The following SCUBE3 variants were observed in gnomAD, a reference collection of about 807,000 sequenced individuals.
SCUBE3 encodes signal peptide, CUB domain and EGF like domain containing 3.
SCUBE3 carries 33 observed loss-of-function variants against 116.8 expected under a neutral mutation model. That is an observed-to-expected ratio of 0.28 (90% CI 0.21 to 0.38). The LOEUF is 0.38. Ranked by LOEUF, SCUBE3 falls within the 10% of genes least tolerant of loss-of-function variation. The probability of loss-of-function intolerance (pLI) is 1.00; values close to 1 mark genes in which losing one functional copy is unlikely to be tolerated. For missense variants in SCUBE3, 1,007 were observed against 1,324.8 expected, an observed-to-expected ratio of 0.76 and a Z score of 3.72; for synonymous variants, 418 against 496.9, an observed-to-expected ratio of 0.84 and a Z score of 2.11.
chr6:35,217,183 T>C (rs1374605522), intron 1 of SCUBE3, among the ~76,000 whole-genome samples: 1 of 130,866 alleles, frequency 7.6e-6, no homozygotes, highest in African/African-American at 2.8e-5. Context: ...CTTAAAAGCA[T>C]TAATTTGCTT....
rs1239218863 is a variant in SCUBE3, at chr6:35,249,427, C to T, written c.*722C>T. 2.0e-5 allele frequency: 3 copies of T among 152,186 alleles called. No individual in the cohort carries two copies. The highest frequency in any genetic ancestry group is 1.3e-4 in the Admixed American group (2 of 15,280). The allele number at this position is 152,186 out of a possible 1,614,324, so 9.4% of individuals were successfully genotyped here. On this transcript the variant is annotated 3_prime_UTR_variant, in exon 22 of 22. Transcript: ENST00000274938. ...GCAGGCATTGTCATGGTGAATGCCC[C>T]GCTGTAGCTCCCTGAGAGAAAGACT...
intron 1 of SCUBE3, among the ~76,000 whole-genome samples, chr6:35,217,196 CT>C (rs1421322885): frequency 1.5e-5 from 1 of 68,742 alleles, no homozygotes; most frequent in Non-Finnish European, 3.1e-5. Context: ...ATTTGCTTTG[CT>C]TTTGGTAAGG....
Position 35,231,069 on chromosome 6 carries a change from C to A in SCUBE3, c.335-656C>A, listed in dbSNP as rs1783529666. 6.6e-6 allele frequency among the ~76,000 whole-genome samples: 1 copy of A among 152,120 alleles called. No homozygotes were observed. Among genetic ancestry groups the A allele is most frequent in the Non-Finnish European group, 1.5e-5 (1 of 68,008 alleles). On this transcript the variant is annotated intron_variant, in intron 3 of 21. Coordinates refer to ENST00000274938, the MANE Select transcript of SCUBE3 (RefSeq NM_152753.4). The surrounding 1 kb of genome is among the most constrained non-coding windows in gnomAD (Gnocchi z 4.2). ...CCTGGCAGCTCTCCCCAGATCCCTC[C>A]CCGCCAAGTTGTCAGACTTTGTTTT...
At chr6:35,216,233 G>A (rs1024960462) in intron 1 of SCUBE3, among the ~76,000 whole-genome samples, 2 of 152,202 alleles carry the variant, frequency 1.3e-5, no homozygotes, top group African/African-American at 2.4e-5. Flanking sequence ...ATTCAGGAAC[G>A]GGAGTCAGAA....
intron 13 of SCUBE3, 23 bp downstream of exon 13, chr6:35,242,343 C>T: frequency 2.0e-6 from 3 of 1,521,354 alleles, no homozygotes; most frequent in Non-Finnish European, 2.7e-6. Context: ...GACCCCATTC[C>T]AGTTGGCTGT....
chr6:35,245,497 A>T lies in SCUBE3; in HGVS notation c.2599+72A>T. The T allele has an allele frequency of 2.3e-6, 3 of 1,278,542 alleles. No homozygotes were observed. The highest frequency in any genetic ancestry group is 3.4e-6 in the Non-Finnish European group (3 of 878,382). 79.2% of individuals were successfully genotyped at this position (1,278,542 alleles called of 1,614,324 possible). A position where few individuals can be genotyped will look rare whatever the true frequency, so the allele number is the denominator to read the frequency against. ...GTTAAGGCGGAGAACAAAGAGAGAG[A>T]CTGATACAGGAAGAAATGGGGCAGT... On this transcript the variant is annotated intron_variant, in intron 19 of 21. Transcript: ENST00000274938. The surrounding 1 kb of genome is among the most constrained non-coding windows in gnomAD (Gnocchi z 4.2).
rs1783637951 is a variant in SCUBE3, at chr6:35,233,550, C to T, written c.712+249C>T. ...ACCCTGTTCCAGGAGCCTCACCACC[C>T]TCTTCATCCCAGGACAAAGTGTTGC... On this transcript the variant is annotated intron_variant, in intron 6 of 21. Transcript: ENST00000274938. The surrounding 1 kb of genome is among the most constrained non-coding windows in gnomAD (Gnocchi z 5.7). 6.6e-6 allele frequency among the ~76,000 whole-genome samples: 1 copy of T among 152,218 alleles called. No homozygotes were observed. Among genetic ancestry groups the T allele is most frequent in the Admixed American group, 6.5e-5 (1 of 15,286 alleles).
chr6:35,223,786 T>G (rs1190837559), intron 1 of SCUBE3: 1 of 152,128 alleles, frequency 6.6e-6, no homozygotes, highest in Non-Finnish European at 1.5e-5. Flanking sequence ...TGGGCACATA[T>G]GGTAGGAGAG....
Position 35,241,780 on chromosome 6 carries a change from G to GA in SCUBE3, c.1313-24dup. The GA allele has an allele frequency of 6.3e-7, 1 of 1,591,966 alleles. No homozygotes were observed. Among genetic ancestry groups the GA allele is most frequent in the South Asian group, 1.1e-5 (1 of 90,690 alleles). ...CAGCGGGGGTTGGGAAGGCAGGTCAGAACTGTGACAGGCTCCTTTTCTCAG... is the reference window on the plus strand; with the variant it reads ...CAGCGGGGGTTGGGAAGGCAGGTCAGAAACTGTGACAGGCTCCTTTTCTCAG... On this transcript the variant is annotated intron_variant, in intron 11 of 21. Transcript: ENST00000274938. The surrounding 1 kb of genome is among the most constrained non-coding windows in gnomAD (Gnocchi z 4.1).
At chr6:35,234,378 G>A (rs1055396116) in intron 6 of SCUBE3, among the ~76,000 whole-genome samples, 2 of 152,174 alleles carry the variant, frequency 1.3e-5, no homozygotes, top group Non-Finnish European at 2.9e-5. Flanking sequence ...AGACTTTCCA[G>A]GGACCTGTCC....
intron 1 of SCUBE3, among the ~76,000 whole-genome samples, chr6:35,215,967 T>C (rs1782874584): frequency 1.3e-5 from 2 of 152,188 alleles, no homozygotes; most frequent in Non-Finnish European, 2.9e-5. Context: ...CTGGCTTTTG[T>C]AGTGTGTGCT....
intron 2 of SCUBE3, 113 bp downstream of exon 2, chr6:35,227,815 A>G: frequency 2.7e-6 from 3 of 1,122,918 alleles, no homozygotes; most frequent in Non-Finnish European, 3.9e-6. Flanking sequence ...TCCACTGGTC[A>G]AGTGGTGGGG....
rs1784085259 is a variant in SCUBE3, at chr6:35,241,989, T to C, written c.1417+79T>C. 1.9e-6 allele frequency: 2 copies of C among 1,070,794 alleles called. No individual in the cohort carries two copies. The highest frequency in any genetic ancestry group is 2.4e-5 in the East Asian group (1 of 42,180). The allele number at this position is 1,070,794 out of a possible 1,614,324, so 66.3% of individuals were successfully genotyped here. Reference sequence around the variant, plus strand: ...TTATTTTTGTTCTTCATCAATCCCCTGGCCTTCCTTTCTCCTGGATCCTCT... The same window carrying C: ...TTATTTTTGTTCTTCATCAATCCCCCGGCCTTCCTTTCTCCTGGATCCTCT... On this transcript the variant is annotated intron_variant, in intron 12 of 21. Coordinates refer to ENST00000274938, the MANE Select transcript of SCUBE3 (RefSeq NM_152753.4). The surrounding 1 kb of genome is among the most constrained non-coding windows in gnomAD (Gnocchi z 4.1).
Position 35,214,377 on chromosome 6 carries a change from G to C in SCUBE3, c.-42G>C, listed in dbSNP as rs1244392090. 19 of 1,340,042 alleles carry C rather than the reference G, an allele frequency of 1.4e-5. No individual in the cohort carries two copies. The South Asian group carries it at 2.8e-4, about 20-fold the overall frequency. The allele number at this position is 1,340,042 out of a possible 1,614,324, so 83.0% of individuals were successfully genotyped here. ...GGCCGGCTTCCGCCCTCCCCTGGCC[G>C]CGAGACCGGCCCCGGCGGCTGGGCC... On this transcript the variant is annotated 5_prime_UTR_variant, in exon 1 of 22. Coordinates refer to ENST00000274938, the MANE Select transcript of SCUBE3 (RefSeq NM_152753.4). The surrounding 1 kb of genome is among the most constrained non-coding windows in gnomAD (Gnocchi z 6.3).
At chr6:35,229,821 C>T (rs1256056846) in intron 3 of SCUBE3, among the ~76,000 whole-genome samples, 1 of 152,136 alleles carries the variant, frequency 6.6e-6, no homozygotes, top group Non-Finnish European at 1.5e-5. Context: ...GGGCCTTCTC[C>T]CAAATTACTT....
rs1784264447 is a variant in SCUBE3 at position 35,244,901 on chromosome 6, A to G, written c.2401+90A>G. On this transcript the variant is annotated intron_variant, in intron 18 of 21. Coordinates refer to ENST00000274938, the MANE Select transcript of SCUBE3 (RefSeq NM_152753.4). The surrounding 1 kb of genome is among the most constrained non-coding windows in gnomAD (Gnocchi z 4.3). ...GAGGGGTGTGAAACCAACAGGGAGC[A>G]GGGCTGGGGGGTGGAGGAGCAGGAA... 1.5e-6 allele frequency: 2 copies of G among 1,308,954 alleles called. No homozygotes were observed. The highest frequency in any genetic ancestry group is 3.7e-5 in the Admixed American group (2 of 53,546). 81.1% of individuals were successfully genotyped at this position (1,308,954 alleles called of 1,614,324 possible).
At chr6:35,230,664 G>C (rs1002935765) in intron 3 of SCUBE3, among the ~76,000 whole-genome samples, 1 of 152,190 alleles carries the variant, frequency 6.6e-6, no homozygotes, top group African/African-American at 2.4e-5. Flanking sequence ...CAAAGCACAG[G>C]AAAGTACACC....
At position 35,232,764 on chromosome 6, in the gene SCUBE3, C is replaced by A; in HGVS notation, c.470-86C>A. The A allele has an allele frequency of 7.4e-7, 1 of 1,359,090 alleles. No individual in the cohort carries two copies. The allele number at this position is 1,359,090 out of a possible 1,614,324, so 84.2% of individuals were successfully genotyped here. A position where few individuals can be genotyped will look rare whatever the true frequency, so the allele number is the denominator to read the frequency against. On this transcript the variant is annotated intron_variant, in intron 4 of 21. Coordinates refer to ENST00000274938, the MANE Select transcript of SCUBE3 (RefSeq NM_152753.4). This position sits in a 1 kb window ranked among gnomAD's most constrained non-coding sequence, Gnocchi z 4.2. ...CAACCTCAGTAGAATTCTCCCAGTTCCCTAGGTCCCCAGTTGCCCCCTGTA... is the reference window on the plus strand; with the variant it reads ...CAACCTCAGTAGAATTCTCCCAGTTACCTAGGTCCCCAGTTGCCCCCTGTA...
At position 35,241,066 on chromosome 6, in the gene SCUBE3, C is replaced by T; in HGVS notation, c.1070-75C>T. 2.1e-6 allele frequency: 3 copies of T among 1,451,216 alleles called. No homozygotes were observed. Among genetic ancestry groups the T allele is most frequent in the East Asian group, 2.3e-5 (1 of 43,350 alleles). 89.9% of individuals were successfully genotyped at this position (1,451,216 alleles called of 1,614,324 possible). ...GTACCTGAAACTCTAACCAAAGGCCCTCACTCACTGCCTACTCTCCGGCTC... is the reference window on the plus strand; with the variant it reads ...GTACCTGAAACTCTAACCAAAGGCCTTCACTCACTGCCTACTCTCCGGCTC... On this transcript the variant is annotated intron_variant, in intron 9 of 21. Coordinates refer to ENST00000274938, the MANE Select transcript of SCUBE3 (RefSeq NM_152753.4). This position sits in a 1 kb window ranked among gnomAD's most constrained non-coding sequence, Gnocchi z 4.1.
Sources: gnomAD v4.1 joint callset for allele counts (sites outside exome capture counted in the v4.1 genomes callset) on GRCh38, gnomAD v4.1.1 for gene constraint, Gnocchi (gnomAD v3.1) non-coding constraint, MANE v1.5 for transcripts, NCBI Gene and HGNC (gene_info 2026-07-23, HGNC 2026-07-21) for gene names.